PSD: variants seen among roughly 807,000 people sequenced by gnomAD.
PSD encodes the protein PH and SEC7 domain-containing protein 1.
PSD carries 32 observed loss-of-function variants against 91.6 expected under a neutral mutation model. That is an observed-to-expected ratio of 0.35 (90% CI 0.26 to 0.47). The LOEUF (loss-of-function observed/expected upper bound fraction) is 0.47, where lower values mean the gene tolerates loss of function less well. PSD is among the 20% of genes least tolerant of loss of function. The pLI is 1.00. For synonymous variants in PSD, 532 were observed against 569.3 expected, an observed-to-expected ratio of 0.93 and a Z score of 0.93; for missense variants, 1,099 against 1,373.9, an observed-to-expected ratio of 0.80 and a Z score of 3.16.
chr10:102,418,352 G>A (rs1027801839), intron 1 of PSD, among the ~76,000 whole-genome samples: 6 of 152,034 alleles, frequency 3.9e-5, no homozygotes, highest in African/African-American at 1.5e-4. Flanking sequence ...CAGAGGTCCA[G>A]GTGTATCAGA....
At chr10:102,418,915 C>T (rs1589898778), upstream of PSD, 1 of 351,768 alleles carries the variant, frequency 2.8e-6, no homozygotes, top group African/African-American at 2.2e-5. Flanking sequence ...CCCCTTGTCG[C>T]TAGGTCCCCG....
chr10:102,411,848 A>G (rs752648632), intron 7 of PSD, 29 bp from the exon 8 acceptor site: 5 of 1,512,192 alleles, frequency 3.3e-6, no homozygotes, highest in Non-Finnish European at 4.6e-6. Context: ...AGGGTTGCCT[A>G]GCAACCAGGA....
Position 102,403,964 on chromosome 10 carries a change from C to T in PSD, c.2722G>A (p.Glu908Lys), listed in dbSNP as rs199922239. 4 of 1,564,654 alleles carry T rather than the reference C, an allele frequency of 2.6e-6. No homozygotes were observed. The highest frequency in any genetic ancestry group is 2.6e-6 in the Non-Finnish European group (3 of 1,156,320). Residue 908 changes from glutamate to lysine, a missense_variant, in exon 16 of 17, where the codon GAG (glutamate) becomes AAG (lysine). Coordinates refer to ENST00000020673, the MANE Select transcript of PSD (RefSeq NM_002779.5). This position sits in a 1 kb window ranked among gnomAD's most constrained non-coding sequence, Gnocchi z 6.7. ...CTTGCCATGGCCTTCAGCTTGGCCT[C>T]GTGGGTCCGCACCTGCTCCTCCTAG... is the stretch of plus-strand genomic sequence containing the variant. ...LSQEEQVRTHEAKLKAMASEL... is the reference protein window; with the variant it reads ...LSQEEQVRTHKAKLKAMASEL...
chr10:102,410,362 T>C lies in PSD; in HGVS notation c.2091+496A>G, dbSNP rs2061412566. ...TTTCTAGCTCCAGCTTTGCGCTAACTCGCTGCCAGACCTTGGAAAAGCTTA... is the reference window on the plus strand; with the variant it reads ...TTTCTAGCTCCAGCTTTGCGCTAACCCGCTGCCAGACCTTGGAAAAGCTTA... On this transcript the variant is annotated intron_variant, in intron 10 of 16. Transcript: ENST00000020673. The surrounding 1 kb of genome is among the most constrained non-coding windows in gnomAD (Gnocchi z 6.0). 6.6e-6 allele frequency among the ~76,000 whole-genome samples: 1 copy of C among 152,202 alleles called. No homozygotes were observed. The highest frequency in any genetic ancestry group is 2.1e-4 in the South Asian group (1 of 4,834).
rs959943415 is a variant in PSD, at chr10:102,403,758, G to T, written c.2844+84C>A. ...TTAAGCAACCTGCCCAAGGACCTCC[G>T]GCCGGTTCCACTGTTAGAGTTCATG... On this transcript the variant is annotated intron_variant, in intron 16 of 16. Coordinates refer to ENST00000020673, the MANE Select transcript of PSD (RefSeq NM_002779.5). This position sits in a 1 kb window ranked among gnomAD's most constrained non-coding sequence, Gnocchi z 6.7. 3 of 1,494,584 alleles carry T rather than the reference G, an allele frequency of 2.0e-6. No individual in the cohort carries two copies. Among genetic ancestry groups the T allele is most frequent in the Non-Finnish European group, 2.7e-6 (3 of 1,115,368 alleles). The allele number at this position is 1,494,584 out of a possible 1,614,324, so 92.6% of individuals were successfully genotyped here.
In PSD at chr10:102,403,243, G is replaced by A; in HGVS notation, c.3032C>T (p.Ser1011Leu). The A allele has an allele frequency of 6.2e-7, 1 of 1,603,698 alleles. No homozygotes were observed. Among genetic ancestry groups the A allele is most frequent in the East Asian group, 2.2e-5 (1 of 44,602 alleles). ...ACTGCCTGCCCCTGGCCGAGGCTCTGAGCTGTGACGCTGAGCCCGGGGCTG... is the reference window on the plus strand; with the variant it reads ...ACTGCCTGCCCCTGGCCGAGGCTCTAAGCTGTGACGCTGAGCCCGGGGCTG... The part of the protein sequence containing the change: ...SSQPRAQRHS[S>L]EPRPGAGSGR... Residue 1011 changes from serine (S) to leucine (L), a missense_variant, in exon 17 of 17, where the codon TCA (serine) becomes TTA (leucine). This residue lies in a region of PSD where 358 missense variants were observed against 426.5 expected (regional missense o/e 0.84). Transcript: ENST00000020673. The surrounding 1 kb of genome is among the most constrained non-coding windows in gnomAD (Gnocchi z 6.7).
At position 102,415,313 on chromosome 10, in the gene PSD, G is replaced by A. The variant is rs546863910; in HGVS notation, c.758-84C>T. 3 of 1,437,960 alleles carry A rather than the reference G, an allele frequency of 2.1e-6. No homozygotes were observed. The South Asian group carries it at 4.3e-5, about 21-fold the overall frequency. The allele number at this position is 1,437,960 out of a possible 1,614,324, so 89.1% of individuals were successfully genotyped here. On this transcript the variant is annotated intron_variant, in intron 3 of 16. Coordinates refer to ENST00000020673, the MANE Select transcript of PSD (RefSeq NM_002779.5). ...TTCTGCTCTAGGATCTCTGCCCACT[G>A]CCTCATATTGACAGGAAGTTCTTTC...
chr10:102,404,891 C>CA lies in PSD; in HGVS notation c.2555+6dup. ...GGGTCCGGGATGGGCAGGAGGAGGG[C>CA]ACTCACGGGGCCTGGAAGAGGAAGA... On this transcript the variant is annotated splice_region_variant and intron_variant, in intron 14 of 16. Transcript: ENST00000020673. The surrounding 1 kb of genome is among the most constrained non-coding windows in gnomAD (Gnocchi z 5.7). 6.2e-7 allele frequency: 1 copy of CA among 1,611,536 alleles called. No homozygotes were observed. Among genetic ancestry groups the CA allele is most frequent in the South Asian group, 1.1e-5 (1 of 90,852 alleles).
Position 102,415,005 on chromosome 10 carries a change from C to T in PSD, c.982G>A (p.Ala328Thr). The T allele has an allele frequency of 6.2e-7, 1 of 1,608,228 alleles. No homozygotes were observed. Among genetic ancestry groups the T allele is most frequent in the Non-Finnish European group, 8.5e-7 (1 of 1,175,780 alleles). The change falls in exon 4 of 17, where the codon GCC becomes ACC. Residue 328 changes from alanine (A) to threonine (T), a missense_variant. Ala to Thr is a moderately conservative substitution (Grantham distance 58). Around this residue, in one of 3 missense-constraint regions of PSD, gnomAD observed 631 missense variants for 728.8 expected, o/e 0.87. Coordinates refer to ENST00000020673, the MANE Select transcript of PSD (RefSeq NM_002779.5). ...CCGGGCCGTGGGGCAGGTGGGTAGG[C>T]AGTGCCTGGTGGGCCCTCAGAGCTG... The part of the protein sequence containing the change: ...QPSSEGPPGT[A>T]YPPAPRPGPL...
chr10:102,403,063 G>GC lies in PSD; in HGVS notation c.*136dup, dbSNP rs1565216817. ...GAGGCCCAGGCCCCAGCCCTGCCCT[G>GC]CCCCGGACACCGCGTCCGGCGCGGT... On this transcript the variant is annotated 3_prime_UTR_variant, in exon 17 of 17. Transcript: ENST00000020673. This position sits in a 1 kb window ranked among gnomAD's most constrained non-coding sequence, Gnocchi z 6.7. 5.2e-6 allele frequency: 3 copies of GC among 581,078 alleles called. No homozygotes were observed. Among genetic ancestry groups the GC allele is most frequent in the Non-Finnish European group, 8.1e-6 (3 of 370,310 alleles). 36.0% of individuals were successfully genotyped at this position (581,078 alleles called of 1,614,324 possible).
rs1589877850 is a variant in PSD, at chr10:102,403,481, A to C, written c.2845-51T>G. The C allele has an allele frequency of 6.6e-7, 1 of 1,509,866 alleles. No homozygotes were observed. The highest frequency in any genetic ancestry group is 8.9e-7 in the Non-Finnish European group (1 of 1,120,154). The allele number at this position is 1,509,866 out of a possible 1,614,324, so 93.5% of individuals were successfully genotyped here. ...AGAGCCTCTTCTCTGCCTTCTGCCC[A>C]CCCCACCATCTGGACCAGGGAGGGC... On this transcript the variant is annotated intron_variant, in intron 16 of 16. Coordinates refer to ENST00000020673, the MANE Select transcript of PSD (RefSeq NM_002779.5). This position sits in a 1 kb window ranked among gnomAD's most constrained non-coding sequence, Gnocchi z 6.7.
Position 102,414,887 on chromosome 10 carries a change from A to G in PSD, c.1100T>C (p.Val367Ala), listed in dbSNP as rs1589892394. The change falls in exon 4 of 17, where the codon GTG (valine) becomes GCG (alanine). Residue 367 changes from valine (V) to alanine (A), a missense_variant. Transcript: ENST00000020673. The surrounding 1 kb of genome is among the most constrained non-coding windows in gnomAD (Gnocchi z 5.6). ...AGGEEDVDDEVFEASEGARPG... is the reference protein window; with the variant it reads ...AGGEEDVDDEAFEASEGARPG... ...CCGGGCCCCTTCAGAGGCCTCAAAC[A>G]CCTCGTCGTCCACATCTTCTTCCCC... 2 of 1,501,292 alleles carry G rather than the reference A, an allele frequency of 1.3e-6. No homozygotes were observed. Among genetic ancestry groups the G allele is most frequent in the East Asian group, 4.6e-5 (2 of 43,550 alleles). The allele number at this position is 1,501,292 out of a possible 1,614,324, so 93.0% of individuals were successfully genotyped here.
Position 102,416,150 on chromosome 10 carries a change from G to T in PSD, c.655-31C>A. On this transcript the variant is annotated intron_variant, in intron 2 of 16. Coordinates refer to ENST00000020673, the MANE Select transcript of PSD (RefSeq NM_002779.5). The surrounding 1 kb of genome is among the most constrained non-coding windows in gnomAD (Gnocchi z 6.0). ...CCAACGAGGGAGACACAGGCACCCA[G>T]AGATAAAGCCAGACATACAAGGACA... 6.5e-7 allele frequency: 1 copy of T among 1,530,016 alleles called. No individual in the cohort carries two copies. Among genetic ancestry groups the T allele is most frequent in the Non-Finnish European group, 9.0e-7 (1 of 1,108,932 alleles). The allele number at this position is 1,530,016 out of a possible 1,614,324, so 94.8% of individuals were successfully genotyped here.
In PSD at chr10:102,405,173, G is replaced by C. The variant is rs751491137; in HGVS notation, c.2397+10C>G. Reference sequence around the variant, plus strand: ...AGTCCCAGCCCCAGCCCCCTGGCCTGACCCCGCACCTTCTGCAGGTAGAGG... The same window carrying C: ...AGTCCCAGCCCCAGCCCCCTGGCCTCACCCCGCACCTTCTGCAGGTAGAGG... On this transcript the variant is annotated intron_variant, in intron 13 of 16. Coordinates refer to ENST00000020673, the MANE Select transcript of PSD (RefSeq NM_002779.5). This position sits in a 1 kb window ranked among gnomAD's most constrained non-coding sequence, Gnocchi z 5.4. 1.2e-6 allele frequency: 2 copies of C among 1,610,644 alleles called. No homozygotes were observed. Among genetic ancestry groups the C allele is most frequent in the South Asian group, 2.2e-5 (2 of 91,074 alleles).
In PSD at chr10:102,416,278, AAC is replaced by A; in HGVS notation, c.654+105_654+106del. 1 of 1,380,064 alleles carries A rather than the reference AAC, an allele frequency of 7.2e-7. No individual in the cohort carries two copies. The highest frequency in any genetic ancestry group is 1.3e-5 in the South Asian group (1 of 74,646). 85.5% of individuals were successfully genotyped at this position (1,380,064 alleles called of 1,614,324 possible). A position where few individuals can be genotyped will look rare whatever the true frequency, so the allele number is the denominator to read the frequency against. On this transcript the variant is annotated intron_variant, in intron 2 of 16. Transcript: ENST00000020673. This position sits in a 1 kb window ranked among gnomAD's most constrained non-coding sequence, Gnocchi z 6.0. Reference sequence around the variant, plus strand: ...GAGGGCAAGAGAGAGGCAGATTTAGAACAGATTAAAGGATTCAGAGTGAACAG... The same window carrying A: ...GAGGGCAAGAGAGAGGCAGATTTAGAAGATTAAAGGATTCAGAGTGAACAG...
chr10:102,407,162 TC>T, intron 11 of PSD, 60 bp downstream of exon 11: 1 of 1,330,196 alleles, frequency 7.5e-7, no homozygotes, highest in Admixed American at 2.0e-5. Flanking sequence ...TCTCTCAGCC[TC>T]CCCAGGCAGC....
rs759115915 is a variant in PSD at position 102,412,149 on chromosome 10, G to A, written c.1827C>T (p.Leu609=). The change falls in exon 7 of 17, where the codon CTC becomes CTT. Residue 609 remains leucine (L), a splice_region_variant and synonymous_variant. Coordinates refer to ENST00000020673, the MANE Select transcript of PSD (RefSeq NM_002779.5). ...VFTGMTLDQA[L]RVFLKELALM... ...TCCTCCAAGGGGTCAACACCCACCT[G>A]AGAGCTTGGTCCAGAGTCATGCCCG... 6 of 1,614,014 alleles carry A rather than the reference G, an allele frequency of 3.7e-6. No individual in the cohort carries two copies. The African/African-American group carries it at 8.0e-5, about 22-fold the overall frequency.
chr10:102,405,650 C>T lies in PSD; in HGVS notation c.2136-114G>A, dbSNP rs2061352523. 2.1e-6 allele frequency: 2 copies of T among 968,692 alleles called. No homozygotes were observed. The highest frequency in any genetic ancestry group is 1.6e-5 in the African/African-American group (1 of 60,826). 60.0% of individuals were successfully genotyped at this position (968,692 alleles called of 1,614,324 possible). ...CCCAGTGTTTGTGGCTTGGGGGGCT[C>T]AACCTGAGGGTCCTGCCATGTCTCC... On this transcript the variant is annotated intron_variant, in intron 11 of 16. Transcript: ENST00000020673. The surrounding 1 kb of genome is among the most constrained non-coding windows in gnomAD (Gnocchi z 5.4).
In PSD at chr10:102,416,585, C is replaced by G. The variant is rs2061484185; in HGVS notation, c.454G>C (p.Glu152Gln). Residue 152 changes from glutamate to glutamine, a missense_variant, in exon 2 of 17, where the codon GAA becomes CAA. Glu to Gln is a conservative substitution (Grantham distance 29, BLOSUM62 2). Transcript: ENST00000020673. This position sits in a 1 kb window ranked among gnomAD's most constrained non-coding sequence, Gnocchi z 6.0. The stretch of plus-strand genomic sequence containing the variant: ...GGGAGTGGGTCTGATGTGGATGCTT[C>G]CAGCCGTAACTTCCGGTTGGAGCCA... ...GPGSNRKLRL[E>Q]ASTSDPLPAR... The G allele has an allele frequency of 3.1e-6, 5 of 1,593,940 alleles. No individual in the cohort carries two copies. The South Asian group carries it at 5.6e-5, about 18-fold the overall frequency.
Sources: gnomAD v4.1 joint callset for allele counts (sites outside exome capture counted in the v4.1 genomes callset) on GRCh38, gnomAD v4.1.1 for gene constraint, gnomAD v4.1.1 regional missense constraint, Gnocchi (gnomAD v3.1) non-coding constraint, MANE v1.5 for transcripts, NCBI Gene and HGNC (gene_info 2026-07-23, HGNC 2026-07-21) for gene names.